The following BMAL2 variants were observed in gnomAD, a reference collection of about 807,000 sequenced individuals.
BMAL2 encodes the protein basic helix-loop-helix ARNT like 2.
At chr12:27,343,887 T>C in the BMAL2 span, among the ~76,000 whole-genome samples, 1 of 152,228 alleles carries the variant, frequency 6.6e-6, no homozygotes, top group African/African-American at 2.4e-5. Context: ...TTCCCTTGAC[T>C]CCAGTTTCCT....
At chr12:27,413,343 G>C in the BMAL2 span, among the ~76,000 whole-genome samples, 19 of 152,250 alleles carry the variant, frequency 1.2e-4, no homozygotes, top group South Asian at 6.2e-4. Context: ...ATGAATACAT[G>C]ATATGTAAAA....
At chr12:27,340,327 A>G in the BMAL2 span, among the ~76,000 whole-genome samples, 1 of 152,194 alleles carries the variant, frequency 6.6e-6, no homozygotes, top group Non-Finnish European at 1.5e-5. Flanking sequence ...ATTGCTAGCC[A>G]GTTATCCCAG....
chr12:27,383,107 C>T, the BMAL2 span, among the ~76,000 whole-genome samples: 1 of 152,178 alleles, frequency 6.6e-6, no homozygotes, highest in Non-Finnish European at 1.5e-5. Context: ...CAGTGGTTCA[C>T]ACGCATGCGT....
the BMAL2 span, among the ~76,000 whole-genome samples, chr12:27,336,084 G>A: frequency 6.6e-6 from 1 of 152,148 alleles, no homozygotes; most frequent in African/African-American, 2.4e-5. Context: ...GGTAGCCCTA[G>A]TTTTCAGTTG....
At chr12:27,375,543 T>C in the BMAL2 span, among the ~76,000 whole-genome samples, 4 of 152,318 alleles carry the variant, frequency 2.6e-5, no homozygotes, top group Middle Eastern at 3.4e-3. Context: ...ATGGCTAAGC[T>C]AAATAATCAT....
the BMAL2 span, chr12:27,389,052 G>T: frequency 2.4e-5 from 18 of 739,738 alleles, no homozygotes; most frequent in African/African-American, 3.0e-4. Flanking sequence ...GTCACACAGT[G>T]TCGTGGACAT....
At chr12:27,403,999 C>CA in the BMAL2 span, among the ~76,000 whole-genome samples, 4,744 of 129,890 alleles carry the variant, frequency 0.037, 111 homozygotes, top group Non-Finnish European at 0.055. Context: ...CTCATCTCTA[C>CA]AAAAAAAAAA....
chr12:27,378,918 G>C, the BMAL2 span, among the ~76,000 whole-genome samples: 2 of 152,118 alleles, frequency 1.3e-5, no homozygotes. Context: ...GGGTGAAGAG[G>C]AAGGGTCTAA....
At chr12:27,380,260 CA>C in the BMAL2 span, 1 of 1,614,020 alleles carries the variant, frequency 6.2e-7, no homozygotes, top group South Asian at 1.1e-5. Flanking sequence ...AGCTCATAGC[CA>C]AACTGAAAAG....
chr12:27,378,669 G>A, the BMAL2 span, among the ~76,000 whole-genome samples: 7 of 152,274 alleles, frequency 4.6e-5, no homozygotes, highest in East Asian at 1.4e-3. Context: ...TTGGGCAGTG[G>A]AAATGCAGTG....
chr12:27,418,254 C>T, the BMAL2 span: 2 of 1,165,538 alleles, frequency 1.7e-6, no homozygotes, highest in Non-Finnish European at 2.5e-6. Context: ...CCCTCTTAAT[C>T]ACTATGTTTT....
chr12:27,363,109 C>T, the BMAL2 span, among the ~76,000 whole-genome samples: 1 of 152,250 alleles, frequency 6.6e-6, no homozygotes, highest in East Asian at 1.9e-4. Flanking sequence ...TGCACCTGGC[C>T]AGCATTATGT....
the BMAL2 span, among the ~76,000 whole-genome samples, chr12:27,386,541 C>T: frequency 6.6e-6 from 1 of 152,306 alleles, no homozygotes; most frequent in South Asian, 2.1e-4. Context: ...CTTCCCTGTC[C>T]TCATTCTGCC....
At chr12:27,379,261 T>G in the BMAL2 span, among the ~76,000 whole-genome samples, 1 of 152,168 alleles carries the variant, frequency 6.6e-6, no homozygotes, top group Non-Finnish European at 1.5e-5. Context: ...AGTTTGGGGT[T>G]TCTTGAATTT....
At chr12:27,342,222 G>C in the BMAL2 span, among the ~76,000 whole-genome samples, 1 of 152,200 alleles carries the variant, frequency 6.6e-6, no homozygotes, top group Non-Finnish European at 1.5e-5. Flanking sequence ...ACAGGCATGA[G>C]CCACTGCACC....
chr12:27,382,018 A>G, the BMAL2 span, among the ~76,000 whole-genome samples: 1 of 152,218 alleles, frequency 6.6e-6, no homozygotes, highest in African/African-American at 2.4e-5. Flanking sequence ...AAGTCAAGTT[A>G]AGGTGGCTAA....
At chr12:27,417,686 G>A in the BMAL2 span, among the ~76,000 whole-genome samples, 1 of 152,244 alleles carries the variant, frequency 6.6e-6, no homozygotes, top group Non-Finnish European at 1.5e-5. Context: ...GCCCATGTCT[G>A]ATAACTGCTA....
the BMAL2 span, among the ~76,000 whole-genome samples, chr12:27,339,801 A>G: frequency 1.3e-5 from 2 of 152,042 alleles, no homozygotes; most frequent in East Asian, 1.9e-4. Context: ...TCTGACTGGT[A>G]TGAGGTGGTA....
chr12:27,369,779 T>C, the BMAL2 span, among the ~76,000 whole-genome samples: 1 of 152,178 alleles, frequency 6.6e-6, no homozygotes, highest in Non-Finnish European at 1.5e-5. Context: ...TTGCAGTGGT[T>C]TGGGGGTGAA....
Sources: allele counts gnomAD v4.1 joint callset (sites outside exome capture counted in the v4.1 genomes callset), GRCh38; gene constraint gnomAD v4.1.1; transcripts MANE v1.5; gene names NCBI Gene and HGNC (gene_info 2026-07-23, HGNC 2026-07-21).